The following KDM6B variants were observed in gnomAD, a reference collection of about 807,000 sequenced individuals.
The protein encoded by KDM6B is lysine demethylase 6B, also known as lysine-specific demethylase 6B.
In KDM6B, 22 loss-of-function variants were observed where a neutral mutation model predicts 150.4. The observed-to-expected ratio is 0.15, with a 90% confidence interval of 0.10 to 0.21. KDM6B has a LOEUF of 0.21. Ranked by LOEUF, KDM6B falls within the 10% of genes least tolerant of loss-of-function variation. The pLI is 1.00. For missense variants in KDM6B, 1,984 were observed against 2,234.3 expected, an observed-to-expected ratio of 0.89 and a Z score of 2.26; for synonymous variants, 1,148 against 921.1, an observed-to-expected ratio of 1.25 and a Z score of -4.46.
intron 1 of KDM6B, among the ~76,000 whole-genome samples, chr17:7,834,951 G>T (rs1392151406): frequency 6.6e-6 from 1 of 151,324 alleles, no homozygotes; most frequent in Non-Finnish European, 1.5e-5. Flanking sequence ...CCACTCCGCC[G>T]TTCCCGAACC....
intron 10 of KDM6B, 31 bp downstream of exon 10, chr17:7,847,047 CACCT>C: frequency 1.2e-6 from 2 of 1,611,168 alleles, no homozygotes; most frequent in Non-Finnish European, 1.7e-6. Flanking sequence ...TTTCACCTCT[CACCT>C]ACAAGTCCCA....
In KDM6B at chr17:7,849,871, A is replaced by C; in HGVS notation, c.3491A>C (p.Gln1164Pro). The change falls in exon 13 of 24, where the codon CAG (glutamine) becomes CCG (proline). Residue 1164 changes from glutamine (Q) to proline (P), a missense_variant. Gln to Pro is a moderately conservative substitution (Grantham distance 76). Transcript: ENST00000448097. ...KFRESYLSPA[Q>P]SVKPKINTEE... ...CGAGAGTCCTACCTTTCCCCTGCCC[A>C]GTCTGTGAAACCGAAGATCAACACT... The C allele has an allele frequency of 6.2e-7, 1 of 1,613,390 alleles. No homozygotes were observed. The highest frequency in any genetic ancestry group is 1.1e-5 in the South Asian group (1 of 91,082).
Position 7,847,870 on chromosome 17 carries a change from C to A in KDM6B, c.1582C>A (p.Pro528Thr). The A allele has an allele frequency of 3.1e-6, 4 of 1,275,492 alleles. No homozygotes were observed. The highest frequency in any genetic ancestry group is 1.8e-5 in the African/African-American group (1 of 54,452). The allele number at this position is 1,275,492 out of a possible 1,614,324, so 79.0% of individuals were successfully genotyped here. A position where few individuals can be genotyped will look rare whatever the true frequency, so the allele number is the denominator to read the frequency against. Reference protein sequence around the residue: ...PLPHREGFLGPPASRFSVGTQ... With the variant: ...PLPHREGFLGTPASRFSVGTQ... ...CCCCCATCGCGAGGGCTTCTTGGGGCCTCCGGCCTCCCGCTTTTCTGTGGG... is the reference window on the plus strand; with the variant it reads ...CCCCCATCGCGAGGGCTTCTTGGGGACTCCGGCCTCCCGCTTTTCTGTGGG... The change falls in exon 12 of 24, where the codon CCT becomes ACT. Residue 528 changes from proline (P) to threonine (T), a missense_variant. Pro to Thr is a conservative substitution (Grantham distance 38, BLOSUM62 -1). This residue lies in a region of KDM6B where 1,379 missense variants were observed against 1,275.6 expected (regional missense o/e 1.08). Coordinates refer to ENST00000448097, the MANE Select transcript of KDM6B (RefSeq NM_001348716.2).
intron 21 of KDM6B, 58 bp from the exon 22 acceptor site, chr17:7,852,942 G>A (rs569532516): frequency 1.2e-6 from 2 of 1,611,880 alleles, no homozygotes; most frequent in East Asian, 4.5e-5. Context: ...CCTTGCTCCA[G>A]CCCTGCCTCA....
At chr17:7,839,375 G>A (rs2078381323) in intron 1 of KDM6B, among the ~76,000 whole-genome samples, 1 of 152,076 alleles carries the variant, frequency 6.6e-6, no homozygotes, top group Non-Finnish European at 1.5e-5. Flanking sequence ...AGGGGAGGAT[G>A]GCCCCTCCCT....
At chr17:7,846,370 T>TGGGGGGGGGGCGGGGGG in intron 7 of KDM6B, 30 bp from the exon 8 acceptor site, 1 of 1,501,962 alleles carries the variant, frequency 6.7e-7, no homozygotes, top group Non-Finnish European at 9.1e-7. Flanking sequence ...ACCTGACATC[T>TGGGGGGGGGGCGGGGGG]GCCCCTGCCC....
Position 7,854,017 on chromosome 17 carries a change from T to G in KDM6B, c.*496T>G, listed in dbSNP as rs1350428786. 1 of 153,596 alleles carries G rather than the reference T, an allele frequency of 6.5e-6. No individual in the cohort carries two copies. The highest frequency in any genetic ancestry group is 1.5e-5 in the Non-Finnish European group (1 of 68,760). The allele number at this position is 153,596 out of a possible 1,614,324, so 9.5% of individuals were successfully genotyped here. A position where few individuals can be genotyped will look rare whatever the true frequency, so the allele number is the denominator to read the frequency against. On this transcript the variant is annotated 3_prime_UTR_variant, in exon 24 of 24. Coordinates refer to ENST00000448097, the MANE Select transcript of KDM6B (RefSeq NM_001348716.2). ...ATGCTAGCTGTGACCCCTGTACATG[T>G]CTCTTTATTCACTTGGTTATGATTT...
In KDM6B at chr17:7,849,584, C is replaced by T. The variant is rs1207390079; in HGVS notation, c.3296C>T (p.Pro1099Leu). The stretch of plus-strand genomic sequence containing the variant: ...AAGCTGCGCTCACTTAGTGAGGGGC[C>T]CCCCAAGGAGCTGAAGATCCGGCTC... ...MLKLRSLSEG[P>L]PKELKIRLIK... Residue 1099 changes from proline (P) to leucine (L), a missense_variant, in exon 12 of 24, where the codon CCC becomes CTC. By Grantham distance (98) the Pro-to-Leu change is moderately conservative. Around this residue, in one of 13 missense-constraint regions of KDM6B, gnomAD observed 1,379 missense variants for 1,275.6 expected, o/e 1.08. Transcript: ENST00000448097. The T allele has an allele frequency of 6.2e-7, 1 of 1,612,636 alleles. No individual in the cohort carries two copies. Among genetic ancestry groups the T allele is most frequent in the Non-Finnish European group, 8.5e-7 (1 of 1,179,986 alleles).
In KDM6B at chr17:7,845,437, C is replaced by T; in HGVS notation, c.-25C>T. 1.5e-6 allele frequency: 2 copies of T among 1,305,616 alleles called. No homozygotes were observed. The highest frequency in any genetic ancestry group is 2.2e-6 in the Non-Finnish European group (2 of 901,334). 80.9% of individuals were successfully genotyped at this position (1,305,616 alleles called of 1,614,324 possible). A position where few individuals can be genotyped will look rare whatever the true frequency, so the allele number is the denominator to read the frequency against. ...GGGCCGTGCCCAATCTCCAGGGCTC[C>T]TGGGGCCACTGCTGACCTGGTAAGG... On this transcript the variant is annotated 5_prime_UTR_variant, in exon 4 of 24. Coordinates refer to ENST00000448097, the MANE Select transcript of KDM6B (RefSeq NM_001348716.2).
At chr17:7,850,824 G>C (rs558833252) in intron 14 of KDM6B, among the ~76,000 whole-genome samples, 197 bp from the exon 15 acceptor site, 1 of 152,356 alleles carries the variant, frequency 6.6e-6, no homozygotes, top group Admixed American at 6.5e-5. Context: ...AAGAGGGCTG[G>C]TGAGGATGCA....
intron 18 of KDM6B, 40 bp from the exon 19 acceptor site, chr17:7,851,911 C>G: frequency 6.2e-7 from 1 of 1,608,086 alleles, no homozygotes; most frequent in African/African-American, 1.3e-5. Flanking sequence ...ATCGCAGTTC[C>G]GACCTGGCCA....
In KDM6B at chr17:7,847,215, C is replaced by A. The variant is rs368210900; in HGVS notation, c.1020C>A (p.Arg340=). The change falls in exon 11 of 24, where the codon CGC becomes CGA. Residue 340 remains arginine, a synonymous_variant. Transcript: ENST00000448097. The part of the protein sequence containing the change: ...VPAAPPGPGP[R]PPGAESHGCL... ...CTGCTCCCCCAGGCCCAGGCCCCCG[C>A]CCCCCAGGAGCAGAGAGCCATGGCT... The A allele has an allele frequency of 1.5e-5, 24 of 1,591,972 alleles. No homozygotes were observed. The highest frequency in any genetic ancestry group is 1.9e-5 in the Non-Finnish European group (22 of 1,170,312).
Position 7,854,742 on chromosome 17 carries a change from T to G in KDM6B, c.*1221T>G. The stretch of plus-strand genomic sequence containing the variant: ...GGGGTCTTCCCAACCCTACCCCTAT[T>G]TTCGGTGATTTTTGTGTGAGAATAT... On this transcript the variant is annotated 3_prime_UTR_variant, in exon 24 of 24. Transcript: ENST00000448097. 3.8e-6 allele frequency: 1 copy of G among 264,932 alleles called. No individual in the cohort carries two copies. The highest frequency in any genetic ancestry group is 7.4e-6 in the Non-Finnish European group (1 of 134,776). 16.4% of individuals were successfully genotyped at this position (264,932 alleles called of 1,614,324 possible). A position where few individuals can be genotyped will look rare whatever the true frequency, so the allele number is the denominator to read the frequency against.
At position 7,846,614 on chromosome 17, in the gene KDM6B, C is replaced by T. The variant is rs1332227211; in HGVS notation, c.585C>T (p.Pro195=). 6.2e-7 allele frequency: 1 copy of T among 1,614,120 alleles called. No homozygotes were observed. Among genetic ancestry groups the T allele is most frequent in the South Asian group, 1.1e-5 (1 of 91,088 alleles). Residue 195 remains proline (P), a synonymous_variant, in exon 9 of 24, where the codon CCC becomes CCT. Coordinates refer to ENST00000448097, the MANE Select transcript of KDM6B (RefSeq NM_001348716.2). ...ACTATGGAGCCAAGCGGGGAGGTCC[C>T]CCGGTGAAGCGAGCTGCTGAACCCC... ...KRNYGAKRGG[P]PVKRAAEPPV... is the part of the protein sequence containing the mutation.
At chr17:7,845,127 G>T (rs2078505640) in intron 3 of KDM6B, 107 bp downstream of exon 3, 2 of 272,796 alleles carry the variant, frequency 7.3e-6, no homozygotes, top group African/African-American at 2.2e-5. Flanking sequence ...TGCCACACAC[G>T]TCCTGACTCC....
At chr17:7,835,744 C>T (rs1383036041) in intron 1 of KDM6B, among the ~76,000 whole-genome samples, 2 of 147,870 alleles carry the variant, frequency 1.4e-5, no homozygotes, top group Non-Finnish European at 3.0e-5. Flanking sequence ...CACGCTCGCG[C>T]CCACCCCCCG....
rs189477358 is a variant in KDM6B, at chr17:7,842,353, C to T, written c.-269+2329C>T. 3.6e-3 allele frequency among the ~76,000 whole-genome samples: 553 copies of T among 152,302 alleles called. 9 individuals are homozygous for T. Among genetic ancestry groups the T allele is most frequent in the East Asian group, 8.7e-3 (45 of 5,170 alleles). On this transcript the variant is annotated intron_variant, in intron 2 of 23. Coordinates refer to ENST00000448097, the MANE Select transcript of KDM6B (RefSeq NM_001348716.2). The stretch of plus-strand genomic sequence containing the variant: ...GGGAGCGGAATTAACCCTTTCAGAG[C>T]CGCTGGCTCCCGAGGTTGTGGGTCG...
Position 7,834,361 on chromosome 17 carries a change from G to A in KDM6B, c.-388+11G>A, listed in dbSNP as rs2078287476. Among the ~76,000 whole-genome samples, 1 of 152,080 alleles carries A rather than the reference G, an allele frequency of 6.6e-6. No homozygotes were observed. The highest frequency in any genetic ancestry group is 2.1e-4 in the South Asian group (1 of 4,824). ...CCCCCCCAGAACCAGGTAACGGGGA[G>A]CCGCGAGGACGTCTGTAAAGAGGGA... On this transcript the variant is annotated intron_variant, in intron 1 of 23. Transcript: ENST00000448097.
chr17:7,839,365 A>G (rs986659776), intron 1 of KDM6B, among the ~76,000 whole-genome samples: 1 of 152,026 alleles, frequency 6.6e-6, no homozygotes, highest in African/African-American at 2.4e-5. Context: ...GAGTTCTTGC[A>G]GGGGAGGATG....
Sources: allele counts gnomAD v4.1 joint callset (sites outside exome capture counted in the v4.1 genomes callset), GRCh38; gene constraint gnomAD v4.1.1; regional missense constraint gnomAD v4.1.1; transcripts MANE v1.5; gene names NCBI Gene and HGNC (gene_info 2026-07-23, HGNC 2026-07-21).